Variants in SLCO5A1 observed in about 807,000 individuals in gnomAD.
SLCO5A1 encodes the protein organic anion transporter polypeptide-related protein 4.
A neutral mutation model predicts 65.1 loss-of-function variants in SLCO5A1; 39 were observed. The observed-to-expected ratio is 0.60, with a 90% CI of 0.46 to 0.78. The LOEUF is 0.78. Ranked by LOEUF, SLCO5A1 falls within the 30% of genes least tolerant of loss-of-function variation. The pLI, the probability that SLCO5A1 is intolerant of heterozygous loss-of-function variation, is 0.00. For synonymous variants in SLCO5A1, 438 were observed against 415.7 expected (o/e 1.05, Z -0.65); for missense variants, 1,029 against 1,069.4 (o/e 0.96, Z 0.53).
At chr8:69,757,756 C>T (rs933029461) in intron 3 of SLCO5A1, among the ~76,000 whole-genome samples, 7 of 119,108 alleles carry the variant, frequency 5.9e-5, no homozygotes, top group Non-Finnish European at 1.0e-4. Flanking sequence ...CCTCTTAGTA[C>T]TTGGCTGCTT....
At chr8:69,809,638 CA>C (rs1301723344) in intron 2 of SLCO5A1, among the ~76,000 whole-genome samples, 1 of 151,956 alleles carries the variant, frequency 6.6e-6, no homozygotes, top group African/African-American at 2.4e-5. Flanking sequence ...ACCATATCAT[CA>C]TTATTATGCC....
At chr8:69,766,357 ACATTGGCACCCTCTC>A (rs1818057057) in intron 2 of SLCO5A1, among the ~76,000 whole-genome samples, 1 of 152,176 alleles carries the variant, frequency 6.6e-6, no homozygotes, top group Non-Finnish European at 1.5e-5. Flanking sequence ...ACGTGCCGAC[ACATTGGCACCCTCTC>A]CTTTGTCTCC....
At chr8:69,741,219 A>G (rs1231993304) in intron 4 of SLCO5A1, among the ~76,000 whole-genome samples, 3 of 152,210 alleles carry the variant, frequency 2.0e-5, no homozygotes, top group Non-Finnish European at 4.4e-5. Flanking sequence ...AAAGACTATG[A>G]TGTGCCTTAC....
intron 2 of SLCO5A1, among the ~76,000 whole-genome samples, chr8:69,813,699 T>G (rs1820300358): frequency 6.6e-6 from 1 of 151,998 alleles, no homozygotes; most frequent in African/African-American, 2.4e-5. Flanking sequence ...GAGACCTGAG[T>G]CTCAAGTTGC....
At chr8:69,689,520 G>T (rs1278283289) in intron 6 of SLCO5A1, among the ~76,000 whole-genome samples, 44 of 138,604 alleles carry the variant, frequency 3.2e-4, no homozygotes, top group African/African-American at 1.1e-3. Context: ...TTTGTATAAG[G>T]TGTAAGGAAG....
At chr8:69,810,636 G>A (rs1434224472) in intron 2 of SLCO5A1, among the ~76,000 whole-genome samples, 3 of 152,104 alleles carry the variant, frequency 2.0e-5, no homozygotes, top group Non-Finnish European at 4.4e-5. Flanking sequence ...CAATTAATGA[G>A]GTCTTAATTT....
chr8:69,683,303 G>A (rs115708109), intron 6 of SLCO5A1, among the ~76,000 whole-genome samples: 382 of 152,262 alleles, frequency 2.5e-3, no homozygotes, highest in African/African-American at 8.8e-3. Flanking sequence ...GACTAGATGA[G>A]TTAGCAATAG....
intron 4 of SLCO5A1, among the ~76,000 whole-genome samples, chr8:69,750,558 A>G (rs893083470): frequency 6.7e-6 from 1 of 150,136 alleles, no homozygotes; most frequent in Admixed American, 6.6e-5. Context: ...CAACCACAAA[A>G]CGCTTGTTCA....
chr8:69,705,214 G>A lies in SLCO5A1; in HGVS notation c.1439C>T (p.Pro480Leu), dbSNP rs1814916711. Residue 480 changes from proline (P) to leucine (L), a missense_variant, in exon 6 of 10, where the codon CCC (proline) becomes CTC (leucine). Physicochemically the swap from Pro to Leu is moderately conservative, Grantham distance 98. Transcript: ENST00000260126. ...ASIYTGVIIV[P>L]SAGVGIVLGG... ...GAGGACAATACCAACACCAGCACTG[G>A]GGACGATAATAACCCCTGGGGAGAA... 5 of 1,614,002 alleles carry A rather than the reference G, an allele frequency of 3.1e-6. No homozygotes were observed. Among genetic ancestry groups the A allele is most frequent in the Non-Finnish European group, 4.2e-6 (5 of 1,179,978 alleles).
chr8:69,818,141 A>T (rs977535049), intron 2 of SLCO5A1, among the ~76,000 whole-genome samples: 2 of 152,224 alleles, frequency 1.3e-5, no homozygotes, highest in Non-Finnish European at 2.9e-5. Context: ...AAATTCTAAG[A>T]AGTAGCCACA....
At chr8:69,805,336 C>T (rs1819946329) in intron 2 of SLCO5A1, among the ~76,000 whole-genome samples, 1 of 152,100 alleles carries the variant, frequency 6.6e-6, no homozygotes, top group African/African-American at 2.4e-5. Context: ...CCCTGAAATC[C>T]CCCAGGAGGG....
At chr8:69,748,369 G>A (rs1014258568) in intron 4 of SLCO5A1, among the ~76,000 whole-genome samples, 3 of 152,154 alleles carry the variant, frequency 2.0e-5, no homozygotes, top group African/African-American at 7.2e-5. Context: ...GCTGAGTATA[G>A]AGAAAGAGCT....
At chr8:69,737,553 C>T (rs1816610837) in intron 5 of SLCO5A1, among the ~76,000 whole-genome samples, 1 of 152,184 alleles carries the variant, frequency 6.6e-6, no homozygotes, top group Non-Finnish European at 1.5e-5. Context: ...GTTTCCCAGA[C>T]ATCAAACATC....
intron 6 of SLCO5A1, among the ~76,000 whole-genome samples, chr8:69,691,946 T>C (rs980986395): frequency 2.0e-5 from 3 of 152,144 alleles, no homozygotes; most frequent in East Asian, 3.9e-4. Flanking sequence ...ATAGGAAAAG[T>C]ACAATAAAAA....
intron 2 of SLCO5A1, among the ~76,000 whole-genome samples, chr8:69,818,950 T>C (rs1390761294): frequency 6.6e-6 from 1 of 152,162 alleles, no homozygotes; most frequent in Non-Finnish European, 1.5e-5. Context: ...TCATTCAGCC[T>C]CATGTTAGTT....
At chr8:69,783,863 G>A (rs1818905748) in intron 2 of SLCO5A1, among the ~76,000 whole-genome samples, 1 of 152,116 alleles carries the variant, frequency 6.6e-6, no homozygotes, top group Admixed American at 6.5e-5. Context: ...CCCATAAGAT[G>A]TACACCAAGA....
At chr8:69,702,633 T>G (rs886122911) in intron 6 of SLCO5A1, among the ~76,000 whole-genome samples, 1 of 152,166 alleles carries the variant, frequency 6.6e-6, no homozygotes, top group Non-Finnish European at 1.5e-5. Context: ...CTCCCAAACA[T>G]TCTAAATTGG....
At chr8:69,828,182 T>C (rs13252837) in intron 2 of SLCO5A1, among the ~76,000 whole-genome samples, 45,994 of 152,026 alleles carry the variant, frequency 0.3, 7,064 homozygotes, top group Middle Eastern at 0.36. Context: ...CTCAAACTAC[T>C]GTAGCTCCTA....
At chr8:69,713,581 C>T (rs1233400022) in intron 5 of SLCO5A1, 2 of 152,184 alleles carry the variant, frequency 1.3e-5, no homozygotes, top group African/African-American at 4.8e-5. Flanking sequence ...TACAGTATCT[C>T]ATTTAATTCT....
Sources: allele counts gnomAD v4.1 joint callset (sites outside exome capture counted in the v4.1 genomes callset), GRCh38; gene constraint gnomAD v4.1.1; transcripts MANE v1.5; gene names NCBI Gene and HGNC (gene_info 2026-07-23, HGNC 2026-07-21).